The following RANBP2 variants were observed in gnomAD, a reference collection of about 807,000 sequenced individuals.
The protein encoded by RANBP2 is E3 SUMO-protein ligase RanBP2.
In RANBP2, 57 loss-of-function variants were observed where a neutral mutation model predicts 303.6. The ratio of observed to expected loss-of-function variants is 0.19; its 90% CI spans 0.15 to 0.23. The LOEUF is 0.23. Ranked by LOEUF, RANBP2 falls within the 10% of genes least tolerant of loss-of-function variation. RANBP2 has a pLI of 1.00. For missense variants in RANBP2, 3,138 were observed against 3,780.8 expected, an observed-to-expected ratio of 0.83 and a Z score of 4.46; for synonymous variants, 1,167 against 1,301.5, an observed-to-expected ratio of 0.90 and a Z score of 2.23.
the RANBP2 span, among the ~76,000 whole-genome samples, chr2:109,597,692 G>C: frequency 1.3e-5 from 2 of 152,146 alleles, no homozygotes; most frequent in African/African-American, 4.8e-5. Context: ...ATCCCATACA[G>C]TAACTTAACT....
At chr2:109,230,882 G>A in the RANBP2 span, among the ~76,000 whole-genome samples, 4 of 152,188 alleles carry the variant, frequency 2.6e-5, no homozygotes, top group Non-Finnish European at 5.9e-5. Flanking sequence ...GACTCCCTTT[G>A]GGGGCTTTGG....
the RANBP2 span, among the ~76,000 whole-genome samples, chr2:109,648,686 C>T: frequency 7.1e-6 from 1 of 140,094 alleles, no homozygotes; most frequent in Non-Finnish European, 1.5e-5. Context: ...CGGAGTCTTG[C>T]TCTGTTGCCC....
At chr2:109,578,991 A>G in the RANBP2 span, among the ~76,000 whole-genome samples, 1 of 152,196 alleles carries the variant, frequency 6.6e-6, no homozygotes, top group African/African-American at 2.4e-5. Flanking sequence ...AATACAGCCA[A>G]AATTTGGTAT....
chr2:109,558,916 C>G, the RANBP2 span, among the ~76,000 whole-genome samples: 2 of 151,286 alleles, frequency 1.3e-5, no homozygotes, highest in Non-Finnish European at 2.9e-5. Context: ...GATGGAGTCT[C>G]GCTCTGTTGC....
the RANBP2 span, among the ~76,000 whole-genome samples, chr2:109,213,808 G>T: frequency 1.3e-5 from 2 of 152,220 alleles, no homozygotes; most frequent in Non-Finnish European, 1.5e-5. Flanking sequence ...GTGTGGTGTG[G>T]TGTGGTGGAT....
the RANBP2 span, among the ~76,000 whole-genome samples, chr2:109,433,412 A>C: frequency 2.0e-5 from 3 of 152,226 alleles, no homozygotes; most frequent in African/African-American, 7.2e-5. Flanking sequence ...GTCACTGAAG[A>C]GACAAGGGGG....
the RANBP2 span, among the ~76,000 whole-genome samples, chr2:109,403,849 CT>C: frequency 6.6e-6 from 1 of 152,238 alleles, no homozygotes; most frequent in Non-Finnish European, 1.5e-5. Context: ...AAAAACTCCC[CT>C]ACCTGTCTGT....
At chr2:109,260,072 C>T in the RANBP2 span, among the ~76,000 whole-genome samples, 1 of 152,138 alleles carries the variant, frequency 6.6e-6, no homozygotes, top group Non-Finnish European at 1.5e-5. Flanking sequence ...TATCTCAACC[C>T]TGGGAATACC....
the RANBP2 span, among the ~76,000 whole-genome samples, chr2:109,535,439 G>A: frequency 4.6e-5 from 7 of 152,100 alleles, no homozygotes; most frequent in African/African-American, 1.7e-4. Flanking sequence ...TCACACATTT[G>A]ACACGGGTAG....
At chr2:108,803,761 A>G in the RANBP2 span, among the ~76,000 whole-genome samples, 2 of 152,068 alleles carry the variant, frequency 1.3e-5, no homozygotes, top group Admixed American at 1.3e-4. Flanking sequence ...TTTTCTTTTC[A>G]CAGTTGTCAG....
the RANBP2 span, among the ~76,000 whole-genome samples, chr2:109,274,403 G>A: frequency 6.6e-6 from 1 of 152,234 alleles, no homozygotes; most frequent in Non-Finnish European, 1.5e-5. Flanking sequence ...CAGTGGATGA[G>A]TGGATAAACA....
At chr2:109,578,751 AGT>A in the RANBP2 span, among the ~76,000 whole-genome samples, 1 of 152,104 alleles carries the variant, frequency 6.6e-6, no homozygotes. Flanking sequence ...TGGCCAACAA[AGT>A]GAGATTCCAC....
the RANBP2 span, among the ~76,000 whole-genome samples, chr2:109,191,049 A>G: frequency 1.3e-5 from 2 of 152,182 alleles, no homozygotes; most frequent in East Asian, 3.9e-4. Flanking sequence ...CTTGGGCCAC[A>G]AAGAGTCTAA....
At chr2:109,174,786 G>C in the RANBP2 span, among the ~76,000 whole-genome samples, 1 of 152,216 alleles carries the variant, frequency 6.6e-6, no homozygotes, top group Non-Finnish European at 1.5e-5. Flanking sequence ...CTGGAGCCCT[G>C]CTGGCAGACC....
At chr2:108,788,637 G>A (rs1234653239), downstream of RANBP2, among the ~76,000 whole-genome samples, 2 of 146,234 alleles carry the variant, frequency 1.4e-5, no homozygotes, top group African/African-American at 2.5e-5. Context: ...GGAGAATGGG[G>A]TGAACCCGGG....
At chr2:109,035,496 G>A in the RANBP2 span, among the ~76,000 whole-genome samples, 1 of 99,064 alleles carries the variant, frequency 1.0e-5, no homozygotes, top group African/African-American at 3.8e-5. Context: ...ACCCCACCCC[G>A]CCCTTACCCT....
At chr2:108,827,644 G>A in the RANBP2 span, among the ~76,000 whole-genome samples, 190 of 151,920 alleles carry the variant, frequency 1.3e-3, no homozygotes, top group African/African-American at 4.4e-3. Flanking sequence ...GTGAAACCCC[G>A]TCTCTACTAA....
At chr2:109,008,770 C>T in the RANBP2 span, among the ~76,000 whole-genome samples, 875 of 150,962 alleles carry the variant, frequency 5.8e-3, 8 homozygotes, top group African/African-American at 0.02. Context: ...GGTGTGGTGG[C>T]GGGCGCCTGT....
chr2:109,447,486 T>A, the RANBP2 span, among the ~76,000 whole-genome samples: 1 of 152,206 alleles, frequency 6.6e-6, no homozygotes, highest in Non-Finnish European at 1.5e-5. Flanking sequence ...TGCCACAAAG[T>A]CTGCTGGTAG....
Sources: allele counts gnomAD v4.1 joint callset (sites outside exome capture counted in the v4.1 genomes callset), GRCh38; gene constraint gnomAD v4.1.1; transcripts MANE v1.5; gene names NCBI Gene and HGNC (gene_info 2026-07-23, HGNC 2026-07-21).